The following PCDHGB6 variants were observed in gnomAD, a reference collection of about 807,000 sequenced individuals.
PCDHGB6 encodes the protein protocadherin gamma-B6.
In PCDHGB6, 51 loss-of-function variants were observed where a neutral mutation model predicts 59.1. The ratio of observed to expected loss-of-function variants is 0.86; its 90% confidence interval spans 0.69 to 1.09. The LOEUF (loss-of-function observed/expected upper bound fraction) is 1.09. Ranked by LOEUF, PCDHGB6 falls within the 50% of genes least tolerant of loss-of-function variation. The pLI, the probability that PCDHGB6 is intolerant of heterozygous loss-of-function variation, is 0.00. For synonymous variants in PCDHGB6, 466 were observed against 495.1 expected (o/e 0.94, Z 0.78); for missense variants, 1,148 against 1,205.1 (o/e 0.95, Z 0.70).
At chr5:141,418,489 G>C (rs774653264) in intron 1 of PCDHGB6, 26 of 1,613,874 alleles carry the variant, frequency 1.6e-5, no homozygotes, top group Admixed American at 1.5e-4. Context: ...CTCACCACTT[G>C]GTACTGACCG....
chr5:141,427,936 G>A, intron 1 of PCDHGB6: 1 of 1,584,966 alleles, frequency 6.3e-7, no homozygotes, highest in Admixed American at 1.7e-5. Context: ...ATGTTGGTGG[G>A]CGACCTCAAT....
At position 141,491,448 on chromosome 5, in the gene PCDHGB6, A is replaced by G; in HGVS notation, c.2419-3359A>G. ...GGCAGTGCTGCAGGCGCCAGGACTC[A>G]CCCTCCCCGGACTTCTATAAGCAGT... On this transcript the variant is annotated intron_variant, in intron 1 of 3. Coordinates refer to ENST00000520790, the MANE Select transcript of PCDHGB6 (RefSeq NM_018926.3). The surrounding 1 kb of genome is among the most constrained non-coding windows in gnomAD (Gnocchi z 6.9). The G allele has an allele frequency of 6.2e-7, 1 of 1,613,792 alleles. No homozygotes were observed. The highest frequency in any genetic ancestry group is 8.5e-7 in the Non-Finnish European group (1 of 1,179,986).
At position 141,431,316 on chromosome 5, in the gene PCDHGB6, C is replaced by T; in HGVS notation, c.2418+20696C>T. 6.2e-7 allele frequency: 1 copy of T among 1,614,104 alleles called. No individual in the cohort carries two copies. The highest frequency in any genetic ancestry group is 8.5e-7 in the Non-Finnish European group (1 of 1,180,046). The stretch of plus-strand genomic sequence containing the variant: ...TTCTCCCTCATCGTGCAAAATGGAG[C>T]CGACGGTAGTAAGTACCCCGAATTG... On this transcript the variant is annotated intron_variant, in intron 1 of 3. Transcript: ENST00000520790. The surrounding 1 kb of genome is among the most constrained non-coding windows in gnomAD (Gnocchi z 4.8).
At chr5:141,414,763 C>G in intron 1 of PCDHGB6, 1 of 1,614,258 alleles carries the variant, frequency 6.2e-7, no homozygotes, top group South Asian at 1.1e-5. Flanking sequence ...TGAGCAGTTT[C>G]ATGAGCTACA....
chr5:141,421,640 A>T (rs367946949), intron 1 of PCDHGB6: 1 of 1,613,716 alleles, frequency 6.2e-7, no homozygotes, highest in Non-Finnish European at 8.5e-7. Context: ...CAGGAGGACG[A>T]AGTGGAGATA....
rs1235728365 is a variant in PCDHGB6 at position 141,485,502 on chromosome 5, C to T, written c.2419-9305C>T. ...TGCATCGTGCCCCTGGAGTTTGTCACCGAAGGTCCTTTGGAAATGTACCGA... is the reference window on the plus strand; with the variant it reads ...TGCATCGTGCCCCTGGAGTTTGTCATCGAAGGTCCTTTGGAAATGTACCGA... On this transcript the variant is annotated intron_variant, in intron 1 of 3. Transcript: ENST00000520790. This position sits in a 1 kb window ranked among gnomAD's most constrained non-coding sequence, Gnocchi z 5.7. 2 of 1,614,114 alleles carry T rather than the reference C, an allele frequency of 1.2e-6. No homozygotes were observed. Among genetic ancestry groups the T allele is most frequent in the Non-Finnish European group, 8.5e-7 (1 of 1,180,044 alleles).
At chr5:141,429,486 A>C (rs2097218130) in intron 1 of PCDHGB6, among the ~76,000 whole-genome samples, 1 of 152,114 alleles carries the variant, frequency 6.6e-6, no homozygotes, top group Non-Finnish European at 1.5e-5. Context: ...AGTAGCTGAG[A>C]CTACAGTTGC....
chr5:141,427,865 G>A, intron 1 of PCDHGB6: 1 of 1,558,148 alleles, frequency 6.4e-7, no homozygotes. Flanking sequence ...GCGCCTTCGA[G>A]CTCACGATGC....
intron 1 of PCDHGB6, among the ~76,000 whole-genome samples, chr5:141,444,110 A>C (rs1284415694): frequency 6.7e-6 from 1 of 149,880 alleles, no homozygotes; most frequent in Non-Finnish European, 1.5e-5. Flanking sequence ...AACCAAGAAA[A>C]GTGAAGTATC....
chr5:141,478,315 A>G, intron 1 of PCDHGB6: 1 of 1,613,998 alleles, frequency 6.2e-7, no homozygotes, highest in Non-Finnish European at 8.5e-7. Flanking sequence ...CGGTGAGCTC[A>G]CTGTACCGAA....
chr5:141,436,659 G>A (rs771567212), intron 1 of PCDHGB6, among the ~76,000 whole-genome samples: 3 of 152,136 alleles, frequency 2.0e-5, no homozygotes, highest in Non-Finnish European at 2.9e-5. Flanking sequence ...GCCATTTTTA[G>A]TGGTTGACCA....
chr5:141,419,945 T>C (rs2096451536), intron 1 of PCDHGB6: 4 of 1,614,088 alleles, frequency 2.5e-6, no homozygotes, highest in Middle Eastern at 1.6e-4. Context: ...GGTGGTGGCC[T>C]TGGCCTTGAT....
At position 141,490,006 on chromosome 5, in the gene PCDHGB6, C is replaced by T; in HGVS notation, c.2419-4801C>T. The stretch of plus-strand genomic sequence containing the variant: ...ACGTGTGGGAATCCCAGAGAATGCA[C>T]CCATTGGTACTCTGCTGCTCCGCCT... On this transcript the variant is annotated intron_variant, in intron 1 of 3. Coordinates refer to ENST00000520790, the MANE Select transcript of PCDHGB6 (RefSeq NM_018926.3). This position sits in a 1 kb window ranked among gnomAD's most constrained non-coding sequence, Gnocchi z 5.4. 2 of 1,614,222 alleles carry T rather than the reference C, an allele frequency of 1.2e-6. No homozygotes were observed. The highest frequency in any genetic ancestry group is 1.7e-6 in the Non-Finnish European group (2 of 1,180,010).
chr5:141,422,940 C>G, intron 1 of PCDHGB6: 3 of 1,614,242 alleles, frequency 1.9e-6, no homozygotes, highest in Non-Finnish European at 1.7e-6. Context: ...TCCCCACAGA[C>G]GGCTCCACTG....
intron 1 of PCDHGB6, among the ~76,000 whole-genome samples, chr5:141,448,917 C>T (rs913804081): frequency 2.6e-5 from 4 of 152,130 alleles, no homozygotes; most frequent in African/African-American, 9.7e-5. Context: ...TGCACTCCAG[C>T]CTGGGCGACA....
chr5:141,480,152 C>G (rs2099513323), intron 1 of PCDHGB6, among the ~76,000 whole-genome samples: 1 of 151,928 alleles, frequency 6.6e-6, no homozygotes, highest in African/African-American at 2.4e-5. Context: ...TAGCCAGCTC[C>G]TAGCATTTTG....
At position 141,409,987 on chromosome 5, in the gene PCDHGB6, C is replaced by T; in HGVS notation, c.1785C>T (p.Asp595=). 5 of 1,613,288 alleles carry T rather than the reference C, an allele frequency of 3.1e-6. No homozygotes were observed. The highest frequency in any genetic ancestry group is 4.2e-6 in the Non-Finnish European group (5 of 1,179,830). ...TAGTGACTAAGGTGGTAGCGGTGGA[C>T]GCCGACTCGGGACACAACGCCTGGC... ...GYLVTKVVAV[D]ADSGHNAWLS... The change falls in exon 1 of 4, where the codon GAC becomes GAT. Residue 595 remains aspartate, a synonymous_variant. Coordinates refer to ENST00000520790, the MANE Select transcript of PCDHGB6 (RefSeq NM_018926.3).
chr5:141,409,195 T>G lies in PCDHGB6; in HGVS notation c.993T>G (p.Cys331Trp), dbSNP rs750681435. 3.7e-6 allele frequency: 6 copies of G among 1,613,890 alleles called. No homozygotes were observed. The African/African-American group carries it at 8.0e-5, about 22-fold the overall frequency. The change falls in exon 1 of 4, where the codon TGT becomes TGG. Residue 331 changes from cysteine to tryptophan, a missense_variant. Cys to Trp is a radical substitution (Grantham distance 215). Transcript: ENST00000520790. Reference sequence around the variant, plus strand: ...ACGGAGGTGGTCTCTCTACCCAGTGTAAAGTAATCATAGAAATCCTTGATG... The same window carrying G: ...ACGGAGGTGGTCTCTCTACCCAGTGGAAAGTAATCATAGAAATCCTTGATG... ...AKDGGGLSTQ[C>W]KVIIEILDEN...
At chr5:141,415,725 T>A in intron 1 of PCDHGB6, 1 of 1,437,122 alleles carries the variant, frequency 7.0e-7, no homozygotes, top group Non-Finnish European at 9.2e-7. Context: ...TGAGTAGAAT[T>A]TGATGTTTAT....
Sources: gnomAD v4.1 joint callset for allele counts (sites outside exome capture counted in the v4.1 genomes callset) on GRCh38, gnomAD v4.1.1 for gene constraint, Gnocchi (gnomAD v3.1) non-coding constraint, MANE v1.5 for transcripts, NCBI Gene and HGNC (gene_info 2026-07-23, HGNC 2026-07-21) for gene names.